The following SUGCT variants were observed in gnomAD, a reference collection of about 807,000 sequenced individuals.
SUGCT encodes the protein succinyl-CoA:glutarate-CoA transferase, also known as succinyl-CoA:glutarate CoA-transferase.
In SUGCT, 41 loss-of-function variants were observed where a neutral mutation model predicts 55.0. That is an observed-to-expected ratio of 0.74 (90% CI 0.58 to 0.97). The LOEUF (loss-of-function observed/expected upper bound fraction) is 0.97. SUGCT is among the 50% of genes least tolerant of loss of function. The pLI, the probability that SUGCT is intolerant of heterozygous loss-of-function variation, is 0.00. For missense variants in SUGCT, 568 were observed against 547.8 expected (o/e 1.04, Z -0.37); for synonymous variants, 187 against 200.4 (o/e 0.93, Z 0.56).
At chr7:40,529,516 C>G (rs916876942) in intron 12 of SUGCT, among the ~76,000 whole-genome samples, 2 of 152,222 alleles carry the variant, frequency 1.3e-5, no homozygotes, top group South Asian at 4.1e-4. Flanking sequence ...AGACAAATCA[C>G]TGTTACCAGG....
chr7:40,950,745 A>G, the SUGCT span, among the ~76,000 whole-genome samples: 8 of 152,094 alleles, frequency 5.3e-5, no homozygotes, highest in Non-Finnish European at 8.8e-5. Flanking sequence ...TTCTGTTTAT[A>G]TGCTGGATTA....
intron 13 of SUGCT, among the ~76,000 whole-genome samples, chr7:40,766,243 C>A (rs944621088): frequency 6.6e-6 from 1 of 152,194 alleles, no homozygotes. Flanking sequence ...CAGGGTCTCA[C>A]ACTGTTGTCC....
At chr7:41,007,458 C>T in the SUGCT span, among the ~76,000 whole-genome samples, 7 of 152,158 alleles carry the variant, frequency 4.6e-5, no homozygotes, top group Non-Finnish European at 8.8e-5. Flanking sequence ...TCATGACTTC[C>T]TCTCTGACTC....
rs193275786 is a variant in SUGCT, at chr7:40,770,132, T to G, written c.1153+20635T>G. On this transcript the variant is annotated intron_variant, in intron 13 of 13. Coordinates refer to ENST00000335693, the MANE Select transcript of SUGCT (RefSeq NM_001193313.2). The stretch of plus-strand genomic sequence containing the variant: ...TGTCATGCTGAACTTGTCAAGTTTC[T>G]TGAAAACACCATGCTGTTTTGTCTC... 1.4e-4 allele frequency among the ~76,000 whole-genome samples: 21 copies of G among 152,336 alleles called. No homozygotes were observed. In the East Asian group the frequency reaches 4.0e-3, roughly 29 times the overall value.
At chr7:40,595,655 A>G (rs1797976847) in intron 12 of SUGCT, among the ~76,000 whole-genome samples, 2 of 151,076 alleles carry the variant, frequency 1.3e-5, no homozygotes. Context: ...AAAAAAAAAA[A>G]GTACGGTAAA....
intron 9 of SUGCT, among the ~76,000 whole-genome samples, chr7:40,428,943 A>T (rs541938158): frequency 6.6e-6 from 1 of 152,312 alleles, no homozygotes; most frequent in African/African-American, 2.4e-5. Flanking sequence ...AGTAGTAAAG[A>T]ATTCCCTCAG....
chr7:40,416,178 T>C (rs1786992062), intron 9 of SUGCT, among the ~76,000 whole-genome samples: 1 of 151,958 alleles, frequency 6.6e-6, no homozygotes, highest in Non-Finnish European at 1.5e-5. Flanking sequence ...TTTTTTTTGT[T>C]GAACTATCGT....
downstream of SUGCT, among the ~76,000 whole-genome samples, chr7:40,863,747 C>A (rs1794533696): frequency 6.6e-6 from 1 of 152,044 alleles, no homozygotes; most frequent in Non-Finnish European, 1.5e-5. Context: ...ATGTAGTGAG[C>A]CCTTCTAATT....
intron 12 of SUGCT, among the ~76,000 whole-genome samples, chr7:40,727,244 T>A (rs2128691864): frequency 6.6e-6 from 1 of 152,314 alleles, no homozygotes; most frequent in African/African-American, 2.4e-5. Flanking sequence ...ATTATTATTG[T>A]CCCCTGGAAG....
the SUGCT span, among the ~76,000 whole-genome samples, chr7:40,929,879 A>T: frequency 6.6e-6 from 1 of 151,930 alleles, no homozygotes; most frequent in Non-Finnish European, 1.5e-5. Context: ...TTGCCTATTC[A>T]CTCTGATGGT....
the SUGCT span, among the ~76,000 whole-genome samples, chr7:40,876,770 C>T: frequency 6.6e-6 from 1 of 152,068 alleles, no homozygotes; most frequent in African/African-American, 2.4e-5. Flanking sequence ...TGGCAGATAA[C>T]CATGCTGAAT....
intron 12 of SUGCT, among the ~76,000 whole-genome samples, chr7:40,731,626 C>T (rs888498354): frequency 6.6e-6 from 1 of 152,124 alleles, no homozygotes; most frequent in Non-Finnish European, 1.5e-5. Context: ...TAGGAATCAC[C>T]AACCTGCGCC....
At chr7:40,274,217 A>G (rs946701642) in intron 7 of SUGCT, among the ~76,000 whole-genome samples, 2 of 151,592 alleles carry the variant, frequency 1.3e-5, no homozygotes, top group Non-Finnish European at 2.9e-5. Flanking sequence ...ATATATCAAG[A>G]AGGAATTTAA....
intron 13 of SUGCT, among the ~76,000 whole-genome samples, chr7:40,750,491 C>T (rs1787955532): frequency 6.6e-6 from 1 of 152,158 alleles, no homozygotes; most frequent in Admixed American, 6.5e-5. Flanking sequence ...TCAGTCACCT[C>T]AGTCAGGTGG....
chr7:40,292,893 A>T (rs376434453), intron 8 of SUGCT, among the ~76,000 whole-genome samples: 2 of 152,126 alleles, frequency 1.3e-5, no homozygotes, highest in East Asian at 3.9e-4. Context: ...TACACATTCT[A>T]CTTCTGTATT....
At chr7:40,671,807 C>A (rs1801952852) in intron 12 of SUGCT, among the ~76,000 whole-genome samples, 1 of 152,074 alleles carries the variant, frequency 6.6e-6, no homozygotes, top group African/African-American at 2.4e-5. Context: ...GAATTCCTGT[C>A]AAAATCCAAG....
chr7:40,290,841 T>C (rs949592549), intron 8 of SUGCT, among the ~76,000 whole-genome samples: 10 of 151,852 alleles, frequency 6.6e-5, no homozygotes, highest in African/African-American at 1.7e-4. Flanking sequence ...AAAAAGTGGG[T>C]GAAGGATATG....
intron 6 of SUGCT, among the ~76,000 whole-genome samples, chr7:40,196,701 TG>T (rs1786311830): frequency 6.6e-6 from 1 of 152,146 alleles, no homozygotes; most frequent in African/African-American, 2.4e-5. Context: ...GGTAATTTTT[TG>T]TGTGTTTTTC....
the SUGCT span, among the ~76,000 whole-genome samples, chr7:40,955,054 T>C: frequency 1.3e-5 from 2 of 152,178 alleles, no homozygotes; most frequent in East Asian, 3.8e-4. Flanking sequence ...TGTAGTATAG[T>C]TTGAAGTCAG....
Sources: gnomAD v4.1 joint callset for allele counts (sites outside exome capture counted in the v4.1 genomes callset) on GRCh38, gnomAD v4.1.1 for gene constraint, MANE v1.5 for transcripts, NCBI Gene and HGNC (gene_info 2026-07-23, HGNC 2026-07-21) for gene names.